The following LGR6 variants were observed in gnomAD, a reference collection of about 807,000 sequenced individuals.
LGR6 encodes the protein leucine rich repeat containing G protein-coupled receptor 6.
LGR6 carries 45 observed loss-of-function variants against 69.4 expected under a neutral mutation model. The ratio of observed to expected loss-of-function variants is 0.65; its 90% confidence interval spans 0.51 to 0.83. The LOEUF is 0.83. Ranked by LOEUF, LGR6 falls within the 40% of genes least tolerant of loss-of-function variation. The probability of loss-of-function intolerance (pLI) is 0.00; values close to 1 mark genes in which losing one functional copy is unlikely to be tolerated. For synonymous variants in LGR6, 538 were observed against 555.0 expected (o/e 0.97, Z 0.43); for missense variants, 1,108 against 1,246.7 (o/e 0.89, Z 1.68).
chr1:202,271,808 CAAAAAAA>C (rs754922941), intron 4 of LGR6, among the ~76,000 whole-genome samples: 3 of 88,486 alleles, frequency 3.4e-5, no homozygotes, highest in African/African-American at 1.5e-4. Context: ...AACTCTGTCT[CAAAAAAA>C]AAAAAAAAAA....
At chr1:202,195,032 C>T (rs1447324002) in intron 1 of LGR6, among the ~76,000 whole-genome samples, 2 of 152,320 alleles carry the variant, frequency 1.3e-5, no homozygotes, top group Non-Finnish European at 1.5e-5. Flanking sequence ...CTGCTCACCA[C>T]CTGGGCAGGA....
chr1:202,287,985 A>AT (rs1421091228), intron 6 of LGR6, among the ~76,000 whole-genome samples: 7 of 151,854 alleles, frequency 4.6e-5, no homozygotes, highest in Admixed American at 3.3e-4. Context: ...CCCTCCAGTG[A>AT]TTCCTCATCA....
At chr1:202,226,702 G>A (rs1382823962) in intron 2 of LGR6, among the ~76,000 whole-genome samples, 2 of 152,240 alleles carry the variant, frequency 1.3e-5, no homozygotes, top group African/African-American at 4.8e-5. Flanking sequence ...AGGCTGAAGA[G>A]TAGTGTGGCC....
At chr1:202,285,649 T>A (rs1299226063) in intron 6 of LGR6, among the ~76,000 whole-genome samples, 1 of 152,188 alleles carries the variant, frequency 6.6e-6, no homozygotes, top group African/African-American at 2.4e-5. Flanking sequence ...GAATGTGTCC[T>A]AAGGTGGCCG....
intron 4 of LGR6, among the ~76,000 whole-genome samples, chr1:202,237,620 T>C (rs553299551): frequency 1.3e-5 from 2 of 152,302 alleles, no homozygotes; most frequent in South Asian, 4.1e-4. Flanking sequence ...TGCAGACAAT[T>C]TTCCCTACAC....
At chr1:202,297,330 T>C (rs1038985398) in intron 6 of LGR6, among the ~76,000 whole-genome samples, 178 bp from the exon 7 acceptor site, 1 of 152,192 alleles carries the variant, frequency 6.6e-6, no homozygotes, top group Non-Finnish European at 1.5e-5. Context: ...TGAGGATTTG[T>C]GGAATAGGAT....
chr1:202,238,710 A>T, intron 4 of LGR6, among the ~76,000 whole-genome samples: 1 of 149,358 alleles, frequency 6.7e-6, no homozygotes. Context: ...GGCGTGAGCC[A>T]TGGGGCCCAG....
chr1:202,306,285 T>C (rs1199087240), intron 12 of LGR6, among the ~76,000 whole-genome samples: 1 of 152,200 alleles, frequency 6.6e-6, no homozygotes, highest in African/African-American at 2.4e-5. Flanking sequence ...TAAGCTGTAT[T>C]AACCCAGCTC....
intron 3 of LGR6, among the ~76,000 whole-genome samples, chr1:202,229,981 T>C (rs1660883436): frequency 6.6e-6 from 1 of 152,196 alleles, no homozygotes; most frequent in South Asian, 2.1e-4. Flanking sequence ...TTGCTTGCTT[T>C]TCAGAGCTGC....
chr1:202,240,016 G>C (rs1662039010), intron 4 of LGR6, among the ~76,000 whole-genome samples: 1 of 152,176 alleles, frequency 6.6e-6, no homozygotes, highest in South Asian at 2.1e-4. Flanking sequence ...CTGACACCCA[G>C]TTCTTGGGCT....
At chr1:202,206,801 G>C (rs1467738311) in intron 1 of LGR6, among the ~76,000 whole-genome samples, 1 of 152,010 alleles carries the variant, frequency 6.6e-6, no homozygotes, top group Non-Finnish European at 1.5e-5. Flanking sequence ...AACTTGCTGG[G>C]ATTACAGGCG....
chr1:202,196,863 C>A (rs1021846324), intron 1 of LGR6, among the ~76,000 whole-genome samples: 7 of 152,154 alleles, frequency 4.6e-5, no homozygotes, highest in African/African-American at 1.2e-4. Flanking sequence ...GGGGAGGTGA[C>A]TGTCAGGGCA....
chr1:202,245,745 C>G (rs544642097), intron 4 of LGR6, among the ~76,000 whole-genome samples: 6 of 152,254 alleles, frequency 3.9e-5, no homozygotes, highest in African/African-American at 1.4e-4. Context: ...GTGATCCCTC[C>G]CCCATGGGGA....
chr1:202,246,481 G>A (rs1662715600), intron 4 of LGR6, among the ~76,000 whole-genome samples: 1 of 130,866 alleles, frequency 7.6e-6, no homozygotes, highest in Admixed American at 8.9e-5. Flanking sequence ...CCATCTGTTT[G>A]TTTTTGTAAA....
chr1:202,202,708 G>A (rs1658879559), intron 1 of LGR6, among the ~76,000 whole-genome samples: 1 of 152,258 alleles, frequency 6.6e-6, no homozygotes, highest in Non-Finnish European at 1.5e-5. Context: ...CTTGGGAGGA[G>A]CGGTGGAGGC....
At chr1:202,316,069 T>A (rs1000434049) in intron 17 of LGR6, among the ~76,000 whole-genome samples, 1 of 151,998 alleles carries the variant, frequency 6.6e-6, no homozygotes, top group Non-Finnish European at 1.5e-5. Context: ...TGGGAAAAAA[T>A]TTGGGAAAGT....
intron 4 of LGR6, among the ~76,000 whole-genome samples, chr1:202,255,926 T>G (rs942434590): frequency 6.6e-6 from 1 of 152,254 alleles, no homozygotes; most frequent in African/African-American, 2.4e-5. Context: ...TCTTTTAAAA[T>G]ATGCAATTCG....
At chr1:202,233,322 T>C (rs1661247702) in intron 3 of LGR6, among the ~76,000 whole-genome samples, 1 of 152,108 alleles carries the variant, frequency 6.6e-6, no homozygotes, top group Non-Finnish European at 1.5e-5. Flanking sequence ...GGGACTCACT[T>C]GTGCAGTGAC....
rs747112750 is a variant in LGR6 at position 202,307,363 on chromosome 1, C to T, written c.1242C>T (p.His414=). The T allele has an allele frequency of 2.5e-6, 4 of 1,614,118 alleles. No individual in the cohort carries two copies. In the South Asian group the frequency reaches 3.3e-5, roughly 13 times the overall value. The change falls in exon 14 of 18, where the codon CAC becomes CAT. Residue 414 remains histidine, a synonymous_variant. Coordinates refer to ENST00000367278, the MANE Select transcript of LGR6 (RefSeq NM_001017403.2). ...DLSWNAIRSI[H]PEAFSTLHSL... ...GCTGGAACGCCATCCGGTCCATCCA[C>T]CCCGAGGCCTTCTCCACCCTGCACT...
Sources: gnomAD v4.1 joint callset for allele counts (sites outside exome capture counted in the v4.1 genomes callset) on GRCh38, gnomAD v4.1.1 for gene constraint, MANE v1.5 for transcripts, NCBI Gene and HGNC (gene_info 2026-07-23, HGNC 2026-07-21) for gene names.